The following TRIM33 variants were observed in gnomAD, a reference collection of about 807,000 sequenced individuals.
TRIM33 encodes tripartite motif containing 33.
TRIM33 carries 20 observed loss-of-function variants against 125.4 expected under a neutral mutation model. The ratio of observed to expected loss-of-function variants is 0.16; its 90% confidence interval spans 0.11 to 0.23. TRIM33 has a LOEUF of 0.23. TRIM33 is among the 10% of genes least tolerant of loss of function. The pLI, the probability that TRIM33 is intolerant of heterozygous loss-of-function variation, is 1.00. For synonymous variants in TRIM33, 564 were observed against 513.9 expected (o/e 1.10, Z -1.32); for missense variants, 920 against 1,411.4 (o/e 0.65, Z 5.58).
At chr1:114,412,893 A>G (rs752015805) in intron 11 of TRIM33, among the ~76,000 whole-genome samples, 44 of 152,346 alleles carry the variant, frequency 2.9e-4, no homozygotes, top group Non-Finnish European at 5.7e-4. Context: ...AATCATTATG[A>G]CAGATACACG....
rs76954814 is a variant in TRIM33, at chr1:114,419,357, C to T, written c.2061+2079G>A. ...CGTCATTAAACTCTTTACTGCAGTG[C>T]CATGGTCTCCGTGAATTGATTTTGT... On this transcript the variant is annotated intron_variant, in intron 11 of 19. Transcript: ENST00000358465. Among the ~76,000 whole-genome samples, 441 of 152,250 alleles carry T rather than the reference C, an allele frequency of 2.9e-3. 1 individual carries two copies. Among genetic ancestry groups the T allele is most frequent in the African/African-American group, 5.5e-3 (230 of 41,550 alleles).
chr1:114,490,084 CAAAAAAAAAA>C (rs776451339), intron 1 of TRIM33, among the ~76,000 whole-genome samples: 2 of 37,646 alleles, frequency 5.3e-5, no homozygotes, highest in African/African-American at 2.0e-4. Context: ...GACTCCGTCT[CAAAAAAAAAA>C]AAAAAAAAAA....
intron 1 of TRIM33, chr1:114,469,287 TG>T (rs1572092824): frequency 5.0e-6 from 1 of 199,802 alleles, no homozygotes; most frequent in East Asian, 1.2e-4. Flanking sequence ...CTGACTAATT[TG>T]CTAATCACTG....
intron 10 of TRIM33, among the ~76,000 whole-genome samples, chr1:114,422,006 T>C (rs116275389): frequency 0.026 from 4,015 of 152,282 alleles, 94 homozygotes; most frequent in Non-Finnish European, 0.034. Flanking sequence ...CCAATAAAAA[T>C]GATATATAAT....
intron 11 of TRIM33, among the ~76,000 whole-genome samples, chr1:114,413,574 G>GAAA (rs1290688079): frequency 3.9e-5 from 2 of 51,888 alleles, no homozygotes; most frequent in Non-Finnish European, 6.9e-5. Flanking sequence ...AAAAAAAAAA[G>GAAA]AAAAGAAAAG....
intron 1 of TRIM33, among the ~76,000 whole-genome samples, chr1:114,501,600 C>T (rs890501401): frequency 4.6e-5 from 7 of 152,118 alleles, no homozygotes; most frequent in South Asian, 2.1e-4. Flanking sequence ...AACCATACAA[C>T]GGTGTGAATA....
intron 12 of TRIM33, among the ~76,000 whole-genome samples, chr1:114,409,389 A>G (rs1049579695): frequency 6.6e-6 from 1 of 152,176 alleles, no homozygotes; most frequent in Non-Finnish European, 1.5e-5. Flanking sequence ...TTTCAGCAAA[A>G]TGTTTATTTT....
At chr1:114,424,823 A>C in intron 9 of TRIM33, 68 bp from the exon 10 acceptor site, 5 of 1,085,002 alleles carry the variant, frequency 4.6e-6, no homozygotes, top group Non-Finnish European at 6.2e-6. Context: ...TATAAAATGT[A>C]ATCATAAAAA....
chr1:114,488,682 C>CA (rs1651869455), intron 1 of TRIM33, among the ~76,000 whole-genome samples: 1 of 152,024 alleles, frequency 6.6e-6, no homozygotes, highest in Admixed American at 6.6e-5. Flanking sequence ...AGAACTGCTT[C>CA]AGCCCAGGAG....
chr1:114,482,490 A>G (rs1411081923), intron 1 of TRIM33, among the ~76,000 whole-genome samples: 1 of 152,194 alleles, frequency 6.6e-6, no homozygotes, highest in African/African-American at 2.4e-5. Flanking sequence ...GGGGGGAGAT[A>G]GAGAAGACAG....
chr1:114,450,640 G>C (rs1339056937), intron 4 of TRIM33, among the ~76,000 whole-genome samples: 1 of 152,136 alleles, frequency 6.6e-6, no homozygotes, highest in African/African-American at 2.4e-5. Flanking sequence ...TGATCTGCCT[G>C]CCTTGGCCTC....
intron 15 of TRIM33, 98 bp downstream of exon 15, chr1:114,405,312 T>C (rs1557843689): frequency 2.3e-6 from 2 of 861,272 alleles, no homozygotes; most frequent in South Asian, 1.6e-5. Flanking sequence ...ATAGAAATAC[T>C]ATGCACTGGT....
chr1:114,436,260 G>A (rs974365347), intron 4 of TRIM33, among the ~76,000 whole-genome samples: 3 of 151,364 alleles, frequency 2.0e-5, no homozygotes, highest in Non-Finnish European at 4.4e-5. Context: ...AAATTAGCCC[G>A]GCATGGTGGT....
chr1:114,474,646 G>A (rs1313845502), intron 1 of TRIM33, among the ~76,000 whole-genome samples: 1 of 151,016 alleles, frequency 6.6e-6, no homozygotes, highest in Non-Finnish European at 1.5e-5. Context: ...CACTTTGGGA[G>A]GCCAAGAGGC....
At chr1:114,468,087 G>A (rs775915734) in intron 1 of TRIM33, among the ~76,000 whole-genome samples, 2 of 152,154 alleles carry the variant, frequency 1.3e-5, no homozygotes, top group South Asian at 2.1e-4. Flanking sequence ...TTGTCAAGTC[G>A]TGCCAGAAAC....
chr1:114,450,659 C>G (rs1333971733), intron 4 of TRIM33, among the ~76,000 whole-genome samples: 1 of 152,152 alleles, frequency 6.6e-6, no homozygotes, highest in Non-Finnish European at 1.5e-5. Flanking sequence ...TCCCAAAGTG[C>G]TAGGACTACA....
chr1:114,494,058 C>T (rs1271738847), intron 1 of TRIM33, among the ~76,000 whole-genome samples: 4 of 151,984 alleles, frequency 2.6e-5, no homozygotes, highest in Admixed American at 6.6e-5. Flanking sequence ...CTCCTGACCT[C>T]GTGATCTGCC....
intron 11 of TRIM33, 76 bp downstream of exon 11, chr1:114,421,360 A>G (rs1653269636): frequency 6.5e-6 from 9 of 1,392,304 alleles, no homozygotes; most frequent in South Asian, 1.3e-5. Flanking sequence ...TTAAAAAAAA[A>G]AAACTCTGAA....
Position 114,460,591 on chromosome 1 carries a change from T to C in TRIM33, c.923+2513A>G, listed in dbSNP as rs528820416. Among the ~76,000 whole-genome samples the C allele has an allele frequency of 2.0e-5, 3 of 146,978 alleles. No individual in the cohort carries two copies. In the East Asian group the frequency reaches 6.0e-4, roughly 29 times the overall value. On this transcript the variant is annotated intron_variant, in intron 4 of 19. Transcript: ENST00000358465. ...CCGCCACCTTTTTTTTTTTTTTTTT[T>C]TTTTTTTTGGTAAACCTCTCCTACG...
Sources: allele counts gnomAD v4.1 joint callset (sites outside exome capture counted in the v4.1 genomes callset), GRCh38; gene constraint gnomAD v4.1.1; transcripts MANE v1.5; gene names NCBI Gene and HGNC (gene_info 2026-07-23, HGNC 2026-07-21).